Variants in PLEKHH3 observed in about 807,000 individuals in gnomAD.
PLEKHH3 encodes the protein pleckstrin homology domain-containing family H member 3.
A neutral mutation model predicts 77.8 loss-of-function variants in PLEKHH3; 57 were observed. The ratio of observed to expected loss-of-function variants is 0.73; its 90% CI spans 0.59 to 0.91. The LOEUF (loss-of-function observed/expected upper bound fraction) is 0.91. Ranked by LOEUF, PLEKHH3 falls within the 40% of genes least tolerant of loss-of-function variation. The pLI is 0.00. For missense variants in PLEKHH3, 1,082 were observed against 1,091.2 expected (o/e 0.99, Z 0.12); for synonymous variants, 467 against 504.8 (o/e 0.93, Z 1.00).
chr17:42,667,992 C>T lies in PLEKHH3; in HGVS notation c.*135G>A. 3.1e-6 allele frequency: 2 copies of T among 639,290 alleles called. No individual in the cohort carries two copies. Among genetic ancestry groups the T allele is most frequent in the Non-Finnish European group, 4.5e-6 (2 of 446,970 alleles). The allele number at this position is 639,290 out of a possible 1,614,324, so 39.6% of individuals were successfully genotyped here. ...TTAAGAAACAAACTAGAAAATTACC[C>T]ACACCCATTGTAGCCCTTGGGTGTG... is the stretch of plus-strand genomic sequence containing the variant. On this transcript the variant is annotated 3_prime_UTR_variant, in exon 13 of 13. Coordinates refer to ENST00000591022, the MANE Select transcript of PLEKHH3 (RefSeq NM_024927.5).
Position 42,671,044 on chromosome 17 carries a change from T to C in PLEKHH3, c.1371A>G (p.Arg457=), listed in dbSNP as rs1811008990. Reference sequence around the variant, plus strand: ...CCACGAGGGTCCCCCCAGCCAGGGCTCGCTCCTGGGCCCCTCGCTGCTCGT... The same window carrying C: ...CCACGAGGGTCCCCCCAGCCAGGGCCCGCTCCTGGGCCCCTCGCTGCTCGT... ...ALYEQRGAQE[R]ALAGGTLVAD... Residue 457 remains arginine (R), a synonymous_variant, in exon 9 of 13, where the codon CGA becomes CGG. Coordinates refer to ENST00000591022, the MANE Select transcript of PLEKHH3 (RefSeq NM_024927.5). This position sits in a 1 kb window ranked among gnomAD's most constrained non-coding sequence, Gnocchi z 4.7. The C allele has an allele frequency of 6.2e-7, 1 of 1,610,826 alleles. No homozygotes were observed. Among genetic ancestry groups the C allele is most frequent in the African/African-American group, 1.3e-5 (1 of 74,772 alleles).
intron 10 of PLEKHH3, 90 bp from the exon 11 acceptor site, chr17:42,670,466 G>C (rs2052669073): frequency 6.6e-7 from 1 of 1,517,058 alleles, no homozygotes; most frequent in South Asian, 1.3e-5. Context: ...CTAGGTTCCA[G>C]TCAAGCCTCC....
rs372297726 is a variant in PLEKHH3 at position 42,669,944 on chromosome 17, G to A, written c.1987C>T (p.Arg663Trp). 6.8e-5 allele frequency: 110 copies of A among 1,613,270 alleles called. No individual in the cohort carries two copies. Among genetic ancestry groups the A allele is most frequent in the African/African-American group, 9.3e-5 (7 of 74,906 alleles). ...GTGCTCAGCTCCAGAACGTCATACC[G>A]AGCAGCGCCGAACCCCGGACACTGC... is the stretch of plus-strand genomic sequence containing the variant. ...AAQCPGFGAA[R>W]YDVLELSTEP... Residue 663 changes from arginine (R) to tryptophan (W), a missense_variant, in exon 11 of 13, where the codon CGG (arginine) becomes TGG (tryptophan). Arg to Trp is a moderately radical substitution (Grantham distance 101, BLOSUM62 -3). This residue lies in a region of PLEKHH3 where 733 missense variants were observed against 750.0 expected (regional missense o/e 0.98). Coordinates refer to ENST00000591022, the MANE Select transcript of PLEKHH3 (RefSeq NM_024927.5).
intron 1 of PLEKHH3, chr17:42,674,667 G>A: frequency 2.6e-6 from 1 of 389,108 alleles, no homozygotes; most frequent in Non-Finnish European, 4.5e-6. Context: ...ATCAGGGGTA[G>A]GGTAGGGTGG....
In PLEKHH3 at chr17:42,671,979, G is replaced by A. The variant is rs2052711789; in HGVS notation, c.1076+107C>T. ...TGTATCTCCCACAAAGGCACTGTAT[G>A]TATTACTCGGTTCTTTACCTACCAA... On this transcript the variant is annotated intron_variant, in intron 7 of 12. Coordinates refer to ENST00000591022, the MANE Select transcript of PLEKHH3 (RefSeq NM_024927.5). This position sits in a 1 kb window ranked among gnomAD's most constrained non-coding sequence, Gnocchi z 4.7. 1.1e-6 allele frequency: 1 copy of A among 909,302 alleles called. No homozygotes were observed. Among genetic ancestry groups the A allele is most frequent in the African/African-American group, 1.7e-5 (1 of 59,472 alleles). 56.3% of individuals were successfully genotyped at this position (909,302 alleles called of 1,614,324 possible). A position where few individuals can be genotyped will look rare whatever the true frequency, so the allele number is the denominator to read the frequency against.
chr17:42,672,468 A>T, intron 6 of PLEKHH3, 76 bp from the exon 7 acceptor site: 6 of 1,218,584 alleles, frequency 4.9e-6, no homozygotes, highest in East Asian at 2.9e-5. Flanking sequence ...GGCATGAACC[A>T]GGGGAAGGTC....
chr17:42,672,453 A>C, intron 6 of PLEKHH3, 61 bp from the exon 7 acceptor site: 1 of 1,380,338 alleles, frequency 7.2e-7, no homozygotes, highest in Non-Finnish European at 9.6e-7. Flanking sequence ...GCGCCCTGGG[A>C]GGAAGGCATG....
In PLEKHH3 at chr17:42,669,451, C is replaced by G. The variant is rs749026128; in HGVS notation, c.2184G>C (p.Gln728His). ...HTLALRVGES[Q>H]LLLQSPQVEE... ...TCACCTGGGGGCTCTGCAGGAGGAG[C>G]TGGCTCTCTCCCACCCTCAAGGCCA... The change falls in exon 12 of 13, where the codon CAG becomes CAC. Residue 728 changes from glutamine to histidine, a missense_variant. Physicochemically the swap from Gln to His is conservative, Grantham distance 24. This residue lies in a region of PLEKHH3 where 733 missense variants were observed against 750.0 expected (regional missense o/e 0.98). Coordinates refer to ENST00000591022, the MANE Select transcript of PLEKHH3 (RefSeq NM_024927.5). 1 of 1,557,614 alleles carries G rather than the reference C, an allele frequency of 6.4e-7. No individual in the cohort carries two copies. The highest frequency in any genetic ancestry group is 2.3e-5 in the East Asian group (1 of 43,922).
Position 42,673,411 on chromosome 17 carries a change from GA to G in PLEKHH3, c.635del (p.Leu212ProfsTer19). 6.2e-7 allele frequency: 1 copy of G among 1,613,432 alleles called. No individual in the cohort carries two copies. The highest frequency in any genetic ancestry group is 8.5e-7 in the Non-Finnish European group (1 of 1,179,928). ...APLETPTQLL[L>X]RDIQESCGDP... The stretch of plus-strand genomic sequence containing the variant: ...CCCTGGTGTGTACCTGTATGTCCCT[GA>G]GCAGTAGCTGGGTGGGGGTCTCCAG... On this transcript the variant is annotated frameshift_variant, in exon 5 of 13. Coordinates refer to ENST00000591022, the MANE Select transcript of PLEKHH3 (RefSeq NM_024927.5). LOFTEE classifies it high-confidence loss of function.
chr17:42,667,931 CTT>C lies in PLEKHH3; in HGVS notation c.*194_*195del, dbSNP rs112409682. ...AGGAAGGGTTTGTGTAAATAAGAAA[CTT>C]TTTTTTTTTTTTTGCTTCTCTTCTA... On this transcript the variant is annotated 3_prime_UTR_variant, in exon 13 of 13. Coordinates refer to ENST00000591022, the MANE Select transcript of PLEKHH3 (RefSeq NM_024927.5). 0.044 allele frequency: 15,922 copies of C among 361,724 alleles called. 36 individuals carry two copies. Among genetic ancestry groups the C allele is most frequent in the East Asian group, 0.076 (1,709 of 22,416 alleles). The allele number at this position is 361,724 out of a possible 1,614,324, so 22.4% of individuals were successfully genotyped here.
rs1198068240 is a variant in PLEKHH3 at position 42,674,000 on chromosome 17, C to G, written c.232G>C (p.Glu78Gln). ...TCCGGGATGAGGCTCCAAGTCTCCT[C>G]CCAGCTCTGCAGCCTGGGCCAGAGG... The part of the protein sequence containing the change: ...GPVSNRLQSW[E>Q]ETWSLIPEKG... Residue 78 changes from glutamate to glutamine, a missense_variant, in exon 3 of 13, where the codon GAG (glutamate) becomes CAG (glutamine). Glu to Gln is a conservative substitution (Grantham distance 29). This residue lies in a region of PLEKHH3 where 344 missense variants were observed against 320.8 expected (regional missense o/e 1.07). Transcript: ENST00000591022. 6.2e-7 allele frequency: 1 copy of G among 1,613,202 alleles called. No individual in the cohort carries two copies. The highest frequency in any genetic ancestry group is 8.5e-7 in the Non-Finnish European group (1 of 1,179,874).
chr17:42,669,287 G>A (rs2052629146), intron 12 of PLEKHH3, 143 bp downstream of exon 12: 3 of 741,128 alleles, frequency 4.0e-6, no homozygotes, highest in African/African-American at 3.6e-5. Flanking sequence ...CTCCACTCTA[G>A]TGTAAGCTCC....
intron 1 of PLEKHH3, chr17:42,675,931 C>T (rs2052814817): frequency 9.8e-7 from 1 of 1,025,234 alleles, no homozygotes; most frequent in South Asian, 3.7e-5. Flanking sequence ...CGCCACAGAC[C>T]CCAATCCTGG....
At chr17:42,674,305 G>A (rs773320061) in intron 2 of PLEKHH3, 49 bp downstream of exon 2, 6 of 1,520,018 alleles carry the variant, frequency 3.9e-6, no homozygotes, top group Admixed American at 4.2e-5. Flanking sequence ...TGGGGGTCCC[G>A]GGAACATGCT....
At position 42,672,097 on chromosome 17, in the gene PLEKHH3, C is replaced by T; in HGVS notation, c.1065G>A (p.Gly355=). ...PGGAVRGHLL[G]HLERTEQALP... ...CTCGCCCCTCTCACCTCTCCAAGTG[C>T]CCCAGGAGGTGCCCCCGCACAGCTC... The change falls in exon 7 of 13, where the codon GGG becomes GGA. Residue 355 remains glycine, a synonymous_variant. Coordinates refer to ENST00000591022, the MANE Select transcript of PLEKHH3 (RefSeq NM_024927.5). 1.3e-6 allele frequency: 2 copies of T among 1,488,552 alleles called. No homozygotes were observed. The highest frequency in any genetic ancestry group is 1.8e-6 in the Non-Finnish European group (2 of 1,113,084). The allele number at this position is 1,488,552 out of a possible 1,614,324, so 92.2% of individuals were successfully genotyped here.
rs1447493031 is a variant in PLEKHH3, at chr17:42,668,055, G to A, written c.*72C>T. The A allele has an allele frequency of 4.0e-6, 5 of 1,257,988 alleles. No individual in the cohort carries two copies. Among genetic ancestry groups the A allele is most frequent in the Non-Finnish European group, 5.0e-6 (5 of 993,798 alleles). The allele number at this position is 1,257,988 out of a possible 1,614,324, so 77.9% of individuals were successfully genotyped here. A position where few individuals can be genotyped will look rare whatever the true frequency, so the allele number is the denominator to read the frequency against. On this transcript the variant is annotated 3_prime_UTR_variant, in exon 13 of 13. Coordinates refer to ENST00000591022, the MANE Select transcript of PLEKHH3 (RefSeq NM_024927.5). ...TCCCTGCAGGGCCAAAAGGGTCCAT[G>A]TTTCCCTCAAATCTCAGAGCAGTCC... is the stretch of plus-strand genomic sequence containing the variant.
In PLEKHH3 at chr17:42,672,087, T is replaced by C; in HGVS notation, c.1075A>G (p.Arg359Gly). 4 of 1,474,112 alleles carry C rather than the reference T, an allele frequency of 2.7e-6. No individual in the cohort carries two copies. The highest frequency in any genetic ancestry group is 3.6e-6 in the Non-Finnish European group (4 of 1,106,616). 91.3% of individuals were successfully genotyped at this position (1,474,112 alleles called of 1,614,324 possible). A position where few individuals can be genotyped will look rare whatever the true frequency, so the allele number is the denominator to read the frequency against. Residue 359 changes from arginine (R) to glycine (G), a missense_variant and splice_region_variant, in exon 7 of 13, where the codon AGG becomes GGG. Coordinates refer to ENST00000591022, the MANE Select transcript of PLEKHH3 (RefSeq NM_024927.5). ...TAACCCCCACCTCGCCCCTCTCACC[T>C]CTCCAAGTGCCCCAGGAGGTGCCCC... ...VRGHLLGHLE[R>G]TEQALPDSEL...
chr17:42,671,478 C>T lies in PLEKHH3; in HGVS notation c.1157G>A (p.Arg386Lys), dbSNP rs745863892. 9.9e-6 allele frequency: 16 copies of T among 1,613,184 alleles called. No homozygotes were observed. The South Asian group carries it at 1.5e-4, about 15-fold the overall frequency. The change falls in exon 8 of 13, where the codon AGA becomes AAA. Residue 386 changes from arginine (R) to lysine (K), a missense_variant. Physicochemically the swap from Arg to Lys is conservative, Grantham distance 26 (BLOSUM62 2). Coordinates refer to ENST00000591022, the MANE Select transcript of PLEKHH3 (RefSeq NM_024927.5). The surrounding 1 kb of genome is among the most constrained non-coding windows in gnomAD (Gnocchi z 4.7). Reference protein sequence around the residue: ...IRKALGRTRGRELVPSLAEIS... With the variant: ...IRKALGRTRGKELVPSLAEIS... ...CTCCGCCAGCGAGGGCACCAGCTCT[C>T]TGCCGCGCGTCCGGCCCAGCGCTTT...
chr17:42,669,228 A>G, intron 12 of PLEKHH3: 1 of 465,220 alleles, frequency 2.1e-6, no homozygotes, highest in Non-Finnish European at 3.6e-6. Flanking sequence ...TTTCCTTTGT[A>G]GCATTTCTCA....
Sources: gnomAD v4.1 joint callset for allele counts on GRCh38, gnomAD v4.1.1 for gene constraint, gnomAD v4.1.1 regional missense constraint, Gnocchi (gnomAD v3.1) non-coding constraint, MANE v1.5 for transcripts, NCBI Gene and HGNC (gene_info 2026-07-23, HGNC 2026-07-21) for gene names.